ZDHHC13: variants seen among roughly 807,000 people sequenced by gnomAD.
The protein encoded by ZDHHC13 is palmitoyltransferase ZDHHC13.
ZDHHC13 carries 85 observed loss-of-function variants against 86.0 expected under a neutral mutation model. The ratio of observed to expected loss-of-function variants is 0.99; its 90% CI spans 0.83 to 1.18. The LOEUF (loss-of-function observed/expected upper bound fraction) is 1.18. ZDHHC13 is among the 50% of genes most tolerant of loss of function. The probability of loss-of-function intolerance (pLI) is 0.00; values close to 1 mark genes in which losing one functional copy is unlikely to be tolerated. For synonymous variants in ZDHHC13, 263 were observed against 246.4 expected, an observed-to-expected ratio of 1.07 and a Z score of -0.63; for missense variants, 711 against 730.2, an observed-to-expected ratio of 0.97 and a Z score of 0.30.
In ZDHHC13 at chr11:19,164,350, G is replaced by C; in HGVS notation, c.1283G>C (p.Cys428Ser). Reference sequence around the variant, plus strand: ...GGCTCTCTGGACTTCAGAACATTTTGTACATCATGTCTTGTGAGTTTTTTC... The same window carrying C: ...GGCTCTCTGGACTTCAGAACATTTTCTACATCATGTCTTGTGAGTTTTTTC... ...ETGSLDFRTF[C>S]TSCLIRKPLR... is the part of the protein sequence containing the mutation. Residue 428 changes from cysteine (C) to serine (S), a missense_variant, in exon 12 of 17, where the codon TGT becomes TCT. Physicochemically the swap from Cys to Ser is moderately radical, Grantham distance 112. Coordinates refer to ENST00000446113, the MANE Select transcript of ZDHHC13 (RefSeq NM_019028.3). 6.2e-7 allele frequency: 1 copy of C among 1,613,002 alleles called. No individual in the cohort carries two copies. The highest frequency in any genetic ancestry group is 8.5e-7 in the Non-Finnish European group (1 of 1,179,438).
At chr11:19,120,200 A>G (rs1848732984) in intron 1 of ZDHHC13, among the ~76,000 whole-genome samples, 1 of 152,220 alleles carries the variant, frequency 6.6e-6, no homozygotes, top group African/African-American at 2.4e-5. Flanking sequence ...TGGCTTTGTC[A>G]TGCTCATGGA....
chr11:19,164,940 G>A (rs2133464748), intron 12 of ZDHHC13, 112 bp from the exon 13 acceptor site: 2 of 795,020 alleles, frequency 2.5e-6, no homozygotes, highest in South Asian at 1.6e-5. Flanking sequence ...TTGATGGTCT[G>A]TTTAGGATTT....
At chr11:19,169,310 G>A in intron 14 of ZDHHC13, 1 of 985,466 alleles carries the variant, frequency 1.0e-6, no homozygotes, top group African/African-American at 1.7e-5. Flanking sequence ...GCTCTAGAGA[G>A]AGTGTAATTT....
In ZDHHC13 at chr11:19,154,446, C is replaced by T. The variant is rs79136636; in HGVS notation, c.874-1350C>T. On this transcript the variant is annotated intron_variant, in intron 8 of 16. Transcript: ENST00000446113. ...ATTGGAATAGGAAACATTTTAAAGA[C>T]TTAATGTCATTTGAAATTATCCACT... Among the ~76,000 whole-genome samples, 1,045 of 152,062 alleles carry T rather than the reference C, an allele frequency of 6.9e-3. 9 individuals carry two copies. The highest frequency in any genetic ancestry group is 0.024 in the African/African-American group (986 of 41,476).
intron 14 of ZDHHC13, chr11:19,169,895 T>C (rs954566796): frequency 2.0e-6 from 2 of 985,852 alleles, no homozygotes; most frequent in South Asian, 9.4e-5. Context: ...GATTTAGTTA[T>C]GGTGTCAGTG....
At position 19,118,214 on chromosome 11, in the gene ZDHHC13, G is replaced by A. The variant is rs186599016; in HGVS notation, c.27+938G>A. Among the ~76,000 whole-genome samples, 119 of 151,940 alleles carry A rather than the reference G, an allele frequency of 7.8e-4. No individual in the cohort carries two copies. In the Middle Eastern group the frequency reaches 0.02, roughly 26 times the overall value. ...CTAAAGCTGTCTTCAGCTGGAATCAGTTAGGCGGTAGATTCTCAGTTTGGG... is the reference window on the plus strand; with the variant it reads ...CTAAAGCTGTCTTCAGCTGGAATCAATTAGGCGGTAGATTCTCAGTTTGGG... On this transcript the variant is annotated intron_variant, in intron 1 of 16. Coordinates refer to ENST00000446113, the MANE Select transcript of ZDHHC13 (RefSeq NM_019028.3).
intron 14 of ZDHHC13, chr11:19,168,873 T>C: frequency 1.0e-6 from 1 of 985,420 alleles, no homozygotes; most frequent in South Asian, 4.7e-5. Flanking sequence ...GTCAGCATCC[T>C]ACAAGTTACA....
At chr11:19,132,948 T>G (rs1296848664) in intron 1 of ZDHHC13, among the ~76,000 whole-genome samples, 3 of 152,170 alleles carry the variant, frequency 2.0e-5, no homozygotes, top group African/African-American at 7.2e-5. Flanking sequence ...TACTTCATTT[T>G]TAACTTAACA....
chr11:19,130,778 A>C (rs948850744), intron 1 of ZDHHC13, among the ~76,000 whole-genome samples: 2 of 151,538 alleles, frequency 1.3e-5, no homozygotes, highest in Non-Finnish European at 2.9e-5. Flanking sequence ...ATGTCTGATG[A>C]GAAGTCTGAG....
chr11:19,133,913 A>G (rs1196217524), intron 1 of ZDHHC13, among the ~76,000 whole-genome samples: 2 of 92,696 alleles, frequency 2.2e-5, no homozygotes. Context: ...TCTTTACGAA[A>G]GAAGTCCATA....
chr11:19,140,661 C>T (rs1849288709), intron 1 of ZDHHC13, among the ~76,000 whole-genome samples: 1 of 152,150 alleles, frequency 6.6e-6, no homozygotes, highest in East Asian at 1.9e-4. Flanking sequence ...GACTTGGAAC[C>T]AACCCAAATG....
chr11:19,131,265 G>A (rs982224180), intron 1 of ZDHHC13, among the ~76,000 whole-genome samples: 7 of 152,044 alleles, frequency 4.6e-5, no homozygotes, highest in African/African-American at 1.2e-4. Flanking sequence ...TGAACTGCCC[G>A]CCTTGGCCTC....
intron 10 of ZDHHC13, among the ~76,000 whole-genome samples, chr11:19,160,059 A>G (rs891544003): frequency 6.6e-6 from 1 of 152,050 alleles, no homozygotes; most frequent in Non-Finnish European, 1.5e-5. Context: ...CAGAATGTTT[A>G]TGGGAGACAT....
chr11:19,138,190 A>G (rs1237570911), intron 1 of ZDHHC13, among the ~76,000 whole-genome samples: 2 of 151,020 alleles, frequency 1.3e-5, no homozygotes, highest in East Asian at 3.9e-4. Flanking sequence ...AAAAAAAGAG[A>G]GAAGAATCAA....
At chr11:19,145,903 A>T (rs1330374399) in intron 2 of ZDHHC13, among the ~76,000 whole-genome samples, 1 of 152,212 alleles carries the variant, frequency 6.6e-6, no homozygotes, top group Non-Finnish European at 1.5e-5. Flanking sequence ...TGGAGATCAG[A>T]TGAAACTTAT....
At chr11:19,160,900 A>G (rs1257876182) in intron 10 of ZDHHC13, among the ~76,000 whole-genome samples, 3 of 151,952 alleles carry the variant, frequency 2.0e-5, no homozygotes, top group Non-Finnish European at 4.4e-5. Flanking sequence ...AAATTAACAA[A>G]AGAGAACTGA....
intron 10 of ZDHHC13, among the ~76,000 whole-genome samples, chr11:19,160,072 A>G (rs1454650529): frequency 6.6e-6 from 1 of 152,056 alleles, no homozygotes; most frequent in South Asian, 2.1e-4. Context: ...GGAGACATGC[A>G]TAAACTGAAT....
chr11:19,117,498 C>T lies in ZDHHC13; in HGVS notation c.27+222C>T, dbSNP rs1021441408. Among the ~76,000 whole-genome samples the T allele has an allele frequency of 6.6e-6, 1 of 152,094 alleles. No individual in the cohort carries two copies. The highest frequency in any genetic ancestry group is 1.5e-5 in the Non-Finnish European group (1 of 68,008). On this transcript the variant is annotated intron_variant, in intron 1 of 16. Transcript: ENST00000446113. The surrounding 1 kb of genome is among the most constrained non-coding windows in gnomAD (Gnocchi z 4.2). ...AGGACTGAGGGGTGAGGGCCCGAGC[C>T]GGCCCCTCCAGCCTCCATCCCTGGC...
At chr11:19,162,142 T>G (rs1289763955) in intron 10 of ZDHHC13, among the ~76,000 whole-genome samples, 1 of 152,146 alleles carries the variant, frequency 6.6e-6, no homozygotes, top group Non-Finnish European at 1.5e-5. Context: ...CAATGCACTA[T>G]GTAGAATGGG....
Sources: allele counts gnomAD v4.1 joint callset (sites outside exome capture counted in the v4.1 genomes callset), GRCh38; gene constraint gnomAD v4.1.1; non-coding constraint Gnocchi (gnomAD v3.1); transcripts MANE v1.5; gene names NCBI Gene and HGNC (gene_info 2026-07-23, HGNC 2026-07-21).